Variants in TRAPPC9 observed in about 807,000 individuals in gnomAD.
TRAPPC9 encodes the protein trafficking protein particle complex subunit 9.
A neutral mutation model predicts 124.0 loss-of-function variants in TRAPPC9; 83 were observed. The observed-to-expected ratio is 0.67, with a 90% confidence interval of 0.56 to 0.80. The LOEUF (loss-of-function observed/expected upper bound fraction) is 0.80, where lower values mean the gene tolerates loss of function less well. TRAPPC9 is among the 30% of genes least tolerant of loss of function. The pLI, the probability that TRAPPC9 is intolerant of heterozygous loss-of-function variation, is 0.00. For missense variants in TRAPPC9, 1,302 were observed against 1,508.3 expected (o/e 0.86, Z 2.27); for synonymous variants, 638 against 617.5 (o/e 1.03, Z -0.49).
intron 16 of TRAPPC9, among the ~76,000 whole-genome samples, chr8:140,226,513 A>G (rs1156529026): frequency 6.6e-6 from 1 of 150,474 alleles, no homozygotes; most frequent in Non-Finnish European, 1.5e-5. Context: ...AACTGGTTGA[A>G]CCTGAGAGGC....
intron 7 of TRAPPC9, among the ~76,000 whole-genome samples, chr8:140,391,039 G>A (rs1428206097): frequency 6.6e-6 from 1 of 152,164 alleles, no homozygotes; most frequent in Non-Finnish European, 1.5e-5. Context: ...CAATTATTAT[G>A]TGCATATCTA....
intron 21 of TRAPPC9, among the ~76,000 whole-genome samples, chr8:139,824,206 C>T (rs1267272255): frequency 6.6e-6 from 1 of 152,192 alleles, no homozygotes; most frequent in Non-Finnish European, 1.5e-5. Context: ...TTGGAACTAG[C>T]CCTGAGCGGT....
chr8:140,392,887 T>A (rs141891871), intron 7 of TRAPPC9, among the ~76,000 whole-genome samples: 6 of 152,334 alleles, frequency 3.9e-5, no homozygotes, highest in Admixed American at 2.6e-4. Context: ...ATCCCTTTGA[T>A]ACAACCAGTG....
intron 19 of TRAPPC9, chr8:139,932,946 C>T (rs56266749): frequency 0.019 from 3,505 of 184,592 alleles, 116 homozygotes; most frequent in African/African-American, 0.077. Context: ...CTTCCCGGAA[C>T]GCCCCTGCAC....
chr8:140,264,661 C>G (rs7835903), intron 15 of TRAPPC9, among the ~76,000 whole-genome samples: 35,653 of 148,658 alleles, frequency 0.24, 4,743 homozygotes, highest in African/African-American at 0.34. Flanking sequence ...GAGAGATGGA[C>G]CCAGGAAATG....
At position 139,989,501 on chromosome 8, in the gene TRAPPC9, G is replaced by A. The variant is rs955168894; in HGVS notation, c.2700-665C>T. 3.3e-5 allele frequency among the ~76,000 whole-genome samples: 5 copies of A among 152,184 alleles called. No homozygotes were observed. In the South Asian group the frequency reaches 6.2e-4, roughly 19 times the overall value. On this transcript the variant is annotated intron_variant, in intron 18 of 22. Transcript: ENST00000438773. ...GGCTGGTCCATGTGATGAAGTTCTA[G>A]CCAGTAAGGCACAGTCCCCTAGAGA... is the stretch of plus-strand genomic sequence containing the variant.
chr8:140,000,952 A>G (rs1230284576), intron 18 of TRAPPC9, among the ~76,000 whole-genome samples: 1 of 152,212 alleles, frequency 6.6e-6, no homozygotes, highest in Non-Finnish European at 1.5e-5. Context: ...CTGCAGCACT[A>G]TTCACAATAG....
intron 16 of TRAPPC9, among the ~76,000 whole-genome samples, chr8:140,227,218 C>T (rs1010695542): frequency 7.3e-5 from 11 of 151,688 alleles, no homozygotes; most frequent in South Asian, 2.1e-4. Context: ...AATCACTGGG[C>T]GCGCCTGGGA....
intron 5 of TRAPPC9, among the ~76,000 whole-genome samples, chr8:140,419,978 T>G (rs1398428823): frequency 6.6e-6 from 1 of 152,084 alleles, no homozygotes; most frequent in Non-Finnish European, 1.5e-5. Flanking sequence ...TAAAAAACTT[T>G]TAGAGCTAAG....
At chr8:139,958,250 CA>C (rs1470213151) in intron 19 of TRAPPC9, among the ~76,000 whole-genome samples, 1 of 152,238 alleles carries the variant, frequency 6.6e-6, no homozygotes, top group Non-Finnish European at 1.5e-5. Flanking sequence ...CCTGACAACA[CA>C]CTCACACCTC....
intron 18 of TRAPPC9, among the ~76,000 whole-genome samples, chr8:139,992,659 T>C (rs1015150429): frequency 1.4e-5 from 2 of 147,474 alleles, no homozygotes; most frequent in Non-Finnish European, 3.0e-5. Context: ...CTACTAGATG[T>C]CAGGAATTGT....
intron 4 of TRAPPC9, among the ~76,000 whole-genome samples, chr8:140,429,216 G>A (rs1356924612): frequency 2.0e-5 from 3 of 151,948 alleles, no homozygotes; most frequent in Non-Finnish European, 4.4e-5. Context: ...CAAGTGGCTG[G>A]GACTACAGGT....
At chr8:139,773,099 C>T (rs1173079567) in intron 21 of TRAPPC9, among the ~76,000 whole-genome samples, 7 of 152,224 alleles carry the variant, frequency 4.6e-5, no homozygotes, top group African/African-American at 7.2e-5. Flanking sequence ...CTGTGGGTCC[C>T]GTGGCAGGAC....
intron 17 of TRAPPC9, among the ~76,000 whole-genome samples, chr8:140,093,292 T>C (rs1434391403): frequency 6.6e-6 from 1 of 152,214 alleles, no homozygotes; most frequent in African/African-American, 2.4e-5. Context: ...CTGGTGTTCC[T>C]TGCCTAGTCT....
chr8:140,159,069 G>A (rs13251796), intron 17 of TRAPPC9, among the ~76,000 whole-genome samples: 25,079 of 152,172 alleles, frequency 0.16, 2,539 homozygotes, highest in Admixed American at 0.24. Context: ...TGCCAGGGAC[G>A]GACCCGGGAA....
intron 7 of TRAPPC9, among the ~76,000 whole-genome samples, chr8:140,389,887 G>A (rs755590662): frequency 6.8e-6 from 1 of 147,868 alleles, no homozygotes; most frequent in Non-Finnish European, 1.5e-5. Context: ...AAGAAAATGA[G>A]AATTCTAGTT....
intron 21 of TRAPPC9, among the ~76,000 whole-genome samples, chr8:139,770,162 G>C (rs956884926): frequency 6.6e-6 from 1 of 152,198 alleles, no homozygotes; most frequent in Non-Finnish European, 1.5e-5. Flanking sequence ...CATTTCCTAA[G>C]GCACCCACAG....
intron 17 of TRAPPC9, among the ~76,000 whole-genome samples, chr8:140,116,314 A>G (rs557856074): frequency 4.6e-5 from 7 of 152,308 alleles, no homozygotes; most frequent in African/African-American, 1.7e-4. Flanking sequence ...CACCTGTTAA[A>G]AGAGTCCATG....
chr8:140,044,283 AAAAAAG>A (rs975823707), intron 17 of TRAPPC9, among the ~76,000 whole-genome samples: 2 of 151,166 alleles, frequency 1.3e-5, no homozygotes, highest in African/African-American at 4.9e-5. Context: ...CAAAAAAAAA[AAAAAAG>A]AAAAATCACA....
Sources: gnomAD v4.1 joint callset for allele counts (sites outside exome capture counted in the v4.1 genomes callset) on GRCh38, gnomAD v4.1.1 for gene constraint, MANE v1.5 for transcripts, NCBI Gene and HGNC (gene_info 2026-07-23, HGNC 2026-07-21) for gene names.